PLXNA2: variants seen among roughly 807,000 people sequenced by gnomAD.
PLXNA2 encodes plexin-A2.
In PLXNA2, 91 loss-of-function variants were observed where a neutral mutation model predicts 193.5. That is an observed-to-expected ratio of 0.47 (90% confidence interval 0.40 to 0.56). The LOEUF is 0.56. Ranked by LOEUF, PLXNA2 falls within the 20% of genes least tolerant of loss-of-function variation. The pLI is 0.00. For synonymous variants in PLXNA2, 997 were observed against 1,027.3 expected (o/e 0.97, Z 0.56); for missense variants, 1,995 against 2,503.2 (o/e 0.80, Z 4.33).
At position 208,210,366 on chromosome 1, in the gene PLXNA2, T is replaced by G. The variant is rs1183818271; in HGVS notation, c.1285A>C (p.Arg429=). The change falls in exon 3 of 32, where the codon AGG becomes CGG. Residue 429 remains arginine (R), a synonymous_variant. Coordinates refer to ENST00000367033, the MANE Select transcript of PLXNA2 (RefSeq NM_025179.4). ...VEGLTLYTTS[R]DRMTSVASYV... ...GAGGCCACAGAGGTCATGCGGTCCC[T>G]GCTGGTGGTGTACAGGGTCAGGCCC... is the stretch of plus-strand genomic sequence containing the variant. The G allele has an allele frequency of 1.2e-6, 2 of 1,614,076 alleles. No homozygotes were observed. The highest frequency in any genetic ancestry group is 1.7e-6 in the Non-Finnish European group (2 of 1,180,022).
chr1:208,060,623 GGA>G, intron 13 of PLXNA2, 61 bp downstream of exon 13: 1 of 1,475,822 alleles, frequency 6.8e-7, no homozygotes, highest in Non-Finnish European at 9.3e-7. Context: ...AAGGGAGAGG[GGA>G]GAGTCTCCAG....
chr1:208,073,079 C>T (rs994626268), intron 12 of PLXNA2, among the ~76,000 whole-genome samples: 1 of 152,192 alleles, frequency 6.6e-6, no homozygotes, highest in African/African-American at 2.4e-5. Flanking sequence ...GTTTCCCCAA[C>T]TCTTAAGTGA....
intron 4 of PLXNA2, among the ~76,000 whole-genome samples, chr1:208,142,076 G>T (rs995560296): frequency 6.6e-6 from 1 of 152,218 alleles, no homozygotes; most frequent in Admixed American, 6.5e-5. Context: ...AGTCTGGCCT[G>T]TTCTTGCAGG....
intron 3 of PLXNA2, among the ~76,000 whole-genome samples, chr1:208,197,433 C>T (rs1037744504): frequency 1.3e-5 from 2 of 152,218 alleles, no homozygotes; most frequent in South Asian, 2.1e-4. Flanking sequence ...CGGGTTTCCC[C>T]GTGACTAAAT....
At chr1:208,053,541 G>A (rs950692060) in intron 14 of PLXNA2, among the ~76,000 whole-genome samples, 1 of 152,198 alleles carries the variant, frequency 6.6e-6, no homozygotes, top group Non-Finnish European at 1.5e-5. Flanking sequence ...TAGAAAACCT[G>A]AAACAATCAG....
At chr1:208,181,903 T>C (rs1669853344) in intron 3 of PLXNA2, among the ~76,000 whole-genome samples, 1 of 152,148 alleles carries the variant, frequency 6.6e-6, no homozygotes, top group Non-Finnish European at 1.5e-5. Flanking sequence ...GGAAAGAAAA[T>C]GTTACACTCC....
chr1:208,203,806 T>C (rs1038577564), intron 3 of PLXNA2, among the ~76,000 whole-genome samples: 2 of 152,116 alleles, frequency 1.3e-5, no homozygotes, highest in African/African-American at 4.8e-5. Context: ...GCACCCTCAG[T>C]TGAAGTATTT....
At chr1:208,051,215 TG>T (rs1173352942) in intron 16 of PLXNA2, 40 bp downstream of exon 16, 1 of 1,596,564 alleles carries the variant, frequency 6.3e-7, no homozygotes, top group East Asian at 2.2e-5. Flanking sequence ...GGGATCATGC[TG>T]GGTGGCTTCC....
chr1:208,155,126 A>C (rs762560527), intron 3 of PLXNA2, among the ~76,000 whole-genome samples: 3 of 152,136 alleles, frequency 2.0e-5, no homozygotes, highest in Non-Finnish European at 2.9e-5. Flanking sequence ...TAGCAGGTGC[A>C]TGGAGCGCGA....
chr1:208,036,764 T>C (rs530132843), intron 26 of PLXNA2, among the ~76,000 whole-genome samples: 2 of 152,308 alleles, frequency 1.3e-5, no homozygotes, highest in Admixed American at 1.3e-4. Context: ...CATACATGAA[T>C]GATAAATGAC....
At chr1:208,164,502 C>T (rs771980048) in intron 3 of PLXNA2, among the ~76,000 whole-genome samples, 1 of 152,224 alleles carries the variant, frequency 6.6e-6, no homozygotes, top group Admixed American at 6.5e-5. Context: ...CAGTTCCAGA[C>T]ACCTTCTAAG....
chr1:208,224,530 A>T (rs1388631485), intron 1 of PLXNA2, among the ~76,000 whole-genome samples: 1 of 151,044 alleles, frequency 6.6e-6, no homozygotes, highest in Non-Finnish European at 1.5e-5. Flanking sequence ...GAAAAGGGGG[A>T]GGGGGGTGAG....
chr1:208,117,168 C>T (rs1667662317), intron 4 of PLXNA2, among the ~76,000 whole-genome samples: 1 of 151,954 alleles, frequency 6.6e-6, no homozygotes, highest in African/African-American at 2.4e-5. Context: ...AAGACTCTGT[C>T]TCACATAAAA....
chr1:208,122,136 A>G (rs1198929513), intron 4 of PLXNA2, among the ~76,000 whole-genome samples: 1 of 152,248 alleles, frequency 6.6e-6, no homozygotes, highest in Non-Finnish European at 1.5e-5. Context: ...ACAGGATTAG[A>G]GTCTTAATGA....
chr1:208,061,162 C>T (rs926592557), intron 12 of PLXNA2, among the ~76,000 whole-genome samples: 3 of 152,158 alleles, frequency 2.0e-5, no homozygotes, highest in East Asian at 1.9e-4. Context: ...TGCCTGATTG[C>T]GATCAGTCAC....
rs1664341845 is a variant in PLXNA2, at chr1:208,026,394, C to T, written c.*849G>A. On this transcript the variant is annotated 3_prime_UTR_variant, in exon 32 of 32. Coordinates refer to ENST00000367033, the MANE Select transcript of PLXNA2 (RefSeq NM_025179.4). The stretch of plus-strand genomic sequence containing the variant: ...AGGTTTAGGATTAAATAAAACAAAA[C>T]AAAAAACAGTAGCAAAAAGCATTGG... 6.6e-6 allele frequency: 1 copy of T among 152,132 alleles called. No homozygotes were observed. The highest frequency in any genetic ancestry group is 1.5e-5 in the Non-Finnish European group (1 of 68,002). The allele number at this position is 152,132 out of a possible 1,614,324, so 9.4% of individuals were successfully genotyped here.
chr1:208,149,566 T>G (rs1168423180), intron 3 of PLXNA2, among the ~76,000 whole-genome samples: 1 of 151,764 alleles, frequency 6.6e-6, no homozygotes, highest in Non-Finnish European at 1.5e-5. Context: ...GGTGTGTGTA[T>G]AAGTGTGGTG....
intron 3 of PLXNA2, chr1:208,209,911 A>G (rs986976230): frequency 1.7e-5 from 4 of 237,114 alleles, no homozygotes; most frequent in African/African-American, 7.2e-5. Context: ...CTAGGGAGGG[A>G]TTTGCGATTT....
Position 208,098,913 on chromosome 1 carries a change from C to T in PLXNA2, c.1664G>A (p.Ser555Asn). ...QAWEPNRFAA[S>N]ISQCVSLAVH... ...TGCAAGGCTCACACACTGGCTGATG[C>T]TGGCAGCAAATCGATTAGGTTCCCA... The change falls in exon 6 of 32, where the codon AGC (serine) becomes AAC (asparagine). Residue 555 changes from serine to asparagine, a missense_variant. Around this residue, in one of 3 missense-constraint regions of PLXNA2, gnomAD observed 702 missense variants for 812.9 expected, o/e 0.86. Transcript: ENST00000367033. The T allele has an allele frequency of 6.2e-7, 1 of 1,613,888 alleles. No individual in the cohort carries two copies. The highest frequency in any genetic ancestry group is 8.5e-7 in the Non-Finnish European group (1 of 1,179,960).
Sources: allele counts gnomAD v4.1 joint callset (sites outside exome capture counted in the v4.1 genomes callset), GRCh38; gene constraint gnomAD v4.1.1; regional missense constraint gnomAD v4.1.1; transcripts MANE v1.5; gene names NCBI Gene and HGNC (gene_info 2026-07-23, HGNC 2026-07-21).